Variants in RNFT2 observed in about 807,000 individuals in gnomAD.
The protein encoded by RNFT2 is ring finger protein, transmembrane 2.
RNFT2 carries 36 observed loss-of-function variants against 53.0 expected under a neutral mutation model. The observed-to-expected ratio is 0.68, with a 90% CI of 0.52 to 0.90. The LOEUF is 0.90. Ranked by LOEUF, RNFT2 falls within the 40% of genes least tolerant of loss-of-function variation. RNFT2 has a pLI of 0.00. For missense variants in RNFT2, 514 were observed against 585.6 expected (o/e 0.88, Z 1.26); for synonymous variants, 260 against 253.2 (o/e 1.03, Z -0.26).
chr12:116,765,419 G>A (rs976576753), intron 5 of RNFT2, among the ~76,000 whole-genome samples: 12 of 152,280 alleles, frequency 7.9e-5, no homozygotes, highest in Middle Eastern at 3.4e-3. Context: ...ATAACAGTGC[G>A]TGGGGCACTG....
chr12:116,760,349 T>C (rs960207929), intron 5 of RNFT2, among the ~76,000 whole-genome samples: 4 of 152,192 alleles, frequency 2.6e-5, no homozygotes, highest in Non-Finnish European at 5.9e-5. Context: ...CACCCTCCCC[T>C]GAGTTCTGGC....
intron 10 of RNFT2, among the ~76,000 whole-genome samples, chr12:116,840,066 T>G (rs1877175688): frequency 6.6e-6 from 1 of 152,206 alleles, no homozygotes. Context: ...AGTGAGAAGC[T>G]TGGTTCATTT....
At chr12:116,837,431 T>C (rs1036321193) in intron 10 of RNFT2, among the ~76,000 whole-genome samples, 8 of 152,040 alleles carry the variant, frequency 5.3e-5, no homozygotes, top group African/African-American at 1.9e-4. Flanking sequence ...GAAGGGTTTT[T>C]GGAGGAGGCA....
intron 7 of RNFT2, among the ~76,000 whole-genome samples, chr12:116,805,561 G>A (rs942788836): frequency 5.3e-5 from 8 of 152,040 alleles, no homozygotes; most frequent in Non-Finnish European, 1.0e-4. Context: ...TATAACCTTC[G>A]CCTCCCGGGT....
chr12:116,820,955 G>A (rs1302419875), intron 7 of RNFT2, among the ~76,000 whole-genome samples: 1 of 151,914 alleles, frequency 6.6e-6, no homozygotes, highest in Non-Finnish European at 1.5e-5. Context: ...CACTTGCTGG[G>A]TCTCCCACTC....
rs1383915857 is a variant in RNFT2, at chr12:116,779,144, C to A, written c.729-51C>A. ...GCTCCTGAGTGAGTAGAAGGAGCTG[C>A]TGAGGCCTGGCCCTAAGGGAACCTT... On this transcript the variant is annotated intron_variant, in intron 6 of 10. Coordinates refer to ENST00000257575, the MANE Select transcript of RNFT2 (RefSeq NM_001382266.1). 5.8e-5 allele frequency: 93 copies of A among 1,600,372 alleles called. No individual in the cohort carries two copies. In the South Asian group the frequency reaches 9.8e-4, roughly 17 times the overall value.
At chr12:116,761,634 A>G (rs1225339446) in intron 5 of RNFT2, among the ~76,000 whole-genome samples, 1 of 152,166 alleles carries the variant, frequency 6.6e-6, no homozygotes, top group Non-Finnish European at 1.5e-5. Context: ...CTGGGAGGGA[A>G]ACAAAATCAT....
chr12:116,802,911 A>C (rs1874868811), intron 7 of RNFT2, among the ~76,000 whole-genome samples: 1 of 151,576 alleles, frequency 6.6e-6, no homozygotes. Flanking sequence ...CCTGGGTGGC[A>C]TGGTGAAACT....
chr12:116,786,253 C>G (rs1340604668), intron 7 of RNFT2, among the ~76,000 whole-genome samples: 2 of 151,924 alleles, frequency 1.3e-5, no homozygotes, highest in East Asian at 1.9e-4. Context: ...TCCCAAGTAG[C>G]TGGGATTATA....
At chr12:116,744,001 C>G (rs1227997378) in intron 3 of RNFT2, among the ~76,000 whole-genome samples, 1 of 152,042 alleles carries the variant, frequency 6.6e-6, no homozygotes, top group Non-Finnish European at 1.5e-5. Flanking sequence ...GTAAGGCAGG[C>G]TGATCACCTG....
At chr12:116,794,376 T>C (rs1874385620) in intron 7 of RNFT2, among the ~76,000 whole-genome samples, 2 of 151,888 alleles carry the variant, frequency 1.3e-5, no homozygotes, top group African/African-American at 4.8e-5. Context: ...GGCAGGCGGA[T>C]CCCTTGAGGT....
At chr12:116,836,360 G>T in intron 10 of RNFT2, 78 bp downstream of exon 10, 1 of 1,242,466 alleles carries the variant, frequency 8.0e-7, no homozygotes, top group Non-Finnish European at 1.1e-6. Flanking sequence ...CAGTCCTCGG[G>T]TCTCTGGCAT....
intron 7 of RNFT2, among the ~76,000 whole-genome samples, chr12:116,818,078 T>C (rs1875782548): frequency 1.3e-5 from 2 of 152,188 alleles, no homozygotes; most frequent in Admixed American, 1.3e-4. Flanking sequence ...CTGAAACTTG[T>C]ACTTCCTTGA....
chr12:116,832,597 A>C (rs1031176202), intron 7 of RNFT2, among the ~76,000 whole-genome samples: 2 of 152,176 alleles, frequency 1.3e-5, no homozygotes, highest in African/African-American at 4.8e-5. Context: ...TCTGGGTCAT[A>C]AAGTAGGTAT....
chr12:116,808,157 G>T (rs573653779), intron 7 of RNFT2, among the ~76,000 whole-genome samples: 1 of 152,084 alleles, frequency 6.6e-6, no homozygotes, highest in African/African-American at 2.4e-5. Flanking sequence ...AGAGATGGGG[G>T]TTTCACCATG....
intron 7 of RNFT2, among the ~76,000 whole-genome samples, chr12:116,829,512 A>T (rs1412272855): frequency 6.6e-6 from 1 of 152,144 alleles, no homozygotes; most frequent in East Asian, 1.9e-4. Context: ...GGGGTGAGTG[A>T]TGATTGGATG....
At chr12:116,768,754 G>A (rs1362617266) in intron 6 of RNFT2, among the ~76,000 whole-genome samples, 2 of 140,936 alleles carry the variant, frequency 1.4e-5, no homozygotes, top group Non-Finnish European at 3.0e-5. Flanking sequence ...TTTTTGAAAC[G>A]AGTTTTGCCC....
intron 7 of RNFT2, among the ~76,000 whole-genome samples, chr12:116,803,390 TA>T (rs1384621538): frequency 1.3e-5 from 2 of 152,194 alleles, no homozygotes; most frequent in Non-Finnish European, 2.9e-5. Flanking sequence ...ATATTTCAAC[TA>T]TACAGAAAAT....
intron 7 of RNFT2, among the ~76,000 whole-genome samples, chr12:116,812,105 C>T (rs921616829): frequency 2.7e-4 from 41 of 152,118 alleles, no homozygotes; most frequent in Non-Finnish European, 5.4e-4. Context: ...AGTGCCTGCT[C>T]AATCTCAGCT....
Sources: gnomAD v4.1 joint callset for allele counts (sites outside exome capture counted in the v4.1 genomes callset) on GRCh38, gnomAD v4.1.1 for gene constraint, MANE v1.5 for transcripts, NCBI Gene and HGNC (gene_info 2026-07-23, HGNC 2026-07-21) for gene names.